Variants in CACNA1C observed in about 807,000 individuals in gnomAD.
The protein encoded by CACNA1C is voltage-dependent L-type calcium channel subunit alpha-1C.
In CACNA1C, 30 loss-of-function variants were observed where a neutral mutation model predicts 229.0. The observed-to-expected ratio is 0.13, with a 90% CI of 0.10 to 0.18. The LOEUF is 0.18. CACNA1C is among the 10% of genes least tolerant of loss of function. The pLI, the probability that CACNA1C is intolerant of heterozygous loss-of-function variation, is 1.00. For missense variants in CACNA1C, 1,658 were observed against 2,845.0 expected (o/e 0.58, Z 9.49); for synonymous variants, 1,114 against 1,132.5 (o/e 0.98, Z 0.33).
chr12:2,137,937 T>A lies in CACNA1C; in HGVS notation c.477+17507T>A, dbSNP rs950599084. Reference sequence around the variant, plus strand: ...GCAGTCCTGGAGCCGACACATCGCCTCACACAGGCGCCCCTGCCGGGAGCT... The same window carrying A: ...GCAGTCCTGGAGCCGACACATCGCCACACACAGGCGCCCCTGCCGGGAGCT... On this transcript the variant is annotated intron_variant, in intron 3 of 46. Transcript: ENST00000399655. Among the ~76,000 whole-genome samples the A allele has an allele frequency of 2.6e-5, 4 of 151,564 alleles. 1 individual carries two copies. The highest frequency in any genetic ancestry group is 6.6e-5 in the Admixed American group (1 of 15,120).
intron 20 of CACNA1C, 124 bp downstream of exon 20, chr12:2,596,127 C>T (rs1339343323): frequency 6.3e-6 from 6 of 957,632 alleles, no homozygotes; most frequent in Non-Finnish European, 7.5e-6. Flanking sequence ...AGATCCACAA[C>T]TAACATTTCA....
intron 9 of CACNA1C, among the ~76,000 whole-genome samples, chr12:2,543,619 C>T (rs1217175590): frequency 6.6e-6 from 1 of 152,202 alleles, no homozygotes; most frequent in Non-Finnish European, 1.5e-5. Flanking sequence ...TATATTGCTT[C>T]TTCCAGGTGA....
chr12:2,168,433 T>G (rs899797474), intron 3 of CACNA1C, among the ~76,000 whole-genome samples: 6 of 152,232 alleles, frequency 3.9e-5, no homozygotes, highest in Non-Finnish European at 8.8e-5. Context: ...TTGGTCCTAC[T>G]GTAGCCAGGA....
At chr12:2,560,012 G>C (rs908711468) in intron 11 of CACNA1C, among the ~76,000 whole-genome samples, 50 of 152,280 alleles carry the variant, frequency 3.3e-4, no homozygotes, top group African/African-American at 1.2e-3. Flanking sequence ...TTTGTGCCAA[G>C]TCTTTGAAAT....
intron 3 of CACNA1C, among the ~76,000 whole-genome samples, chr12:2,192,100 G>A (rs887492707): frequency 1.3e-4 from 19 of 151,998 alleles, no homozygotes; most frequent in East Asian, 3.9e-4. Flanking sequence ...GCACATGGGC[G>A]CGCACACACA....
chr12:2,180,626 C>T (rs537972122), intron 3 of CACNA1C, among the ~76,000 whole-genome samples: 9 of 152,244 alleles, frequency 5.9e-5, no homozygotes, highest in African/African-American at 1.4e-4. Flanking sequence ...CTGTCCAGTG[C>T]GCTGCGTTCT....
intron 3 of CACNA1C, among the ~76,000 whole-genome samples, chr12:2,370,402 A>C (rs2097836102): frequency 6.6e-6 from 1 of 152,212 alleles, no homozygotes; most frequent in African/African-American, 2.4e-5. Flanking sequence ...ACGTATAATG[A>C]TGTTCATTTC....
intron 4 of CACNA1C, among the ~76,000 whole-genome samples, chr12:2,451,456 T>A (rs895335622): frequency 1.2e-4 from 19 of 152,160 alleles, no homozygotes; most frequent in Non-Finnish European, 2.8e-4. Context: ...AGGCAAAATT[T>A]TGGAATTTTG....
At chr12:2,223,967 C>T (rs1268292483) in intron 3 of CACNA1C, among the ~76,000 whole-genome samples, 1 of 152,174 alleles carries the variant, frequency 6.6e-6, no homozygotes, top group Admixed American at 6.5e-5. Context: ...AAAAGGTGCA[C>T]ACACAAAATC....
At chr12:2,586,643 G>A (rs981007189) in intron 18 of CACNA1C, among the ~76,000 whole-genome samples, 11 of 152,206 alleles carry the variant, frequency 7.2e-5, no homozygotes, top group African/African-American at 2.4e-4. Context: ...ACATTTCCTT[G>A]TTCCTGTAGG....
intron 4 of CACNA1C, among the ~76,000 whole-genome samples, chr12:2,453,048 T>A (rs2099392896): frequency 6.6e-6 from 1 of 152,182 alleles, no homozygotes; most frequent in Admixed American, 6.5e-5. Flanking sequence ...ACACTGCAGA[T>A]ACGGCCTGGA....
At chr12:2,385,455 C>A (rs1172868920) in intron 3 of CACNA1C, among the ~76,000 whole-genome samples, 1 of 152,104 alleles carries the variant, frequency 6.6e-6, no homozygotes, top group East Asian at 1.9e-4. Context: ...TTCCTGTATC[C>A]CCCTCACCTT....
intron 11 of CACNA1C, among the ~76,000 whole-genome samples, chr12:2,565,295 G>A (rs908587325): frequency 9.2e-5 from 14 of 151,608 alleles, no homozygotes; most frequent in South Asian, 2.1e-4. Flanking sequence ...GGTGAAACCC[G>A]TCTCTACTAA....
At chr12:2,408,883 A>G (rs564870236) in intron 3 of CACNA1C, among the ~76,000 whole-genome samples, 15 of 152,242 alleles carry the variant, frequency 9.9e-5, no homozygotes, top group Non-Finnish European at 1.9e-4. Flanking sequence ...ATATTTCTAG[A>G]CATTTCCAGG....
chr12:2,319,625 CG>C lies in CACNA1C; in HGVS notation c.478-129348del, dbSNP rs938507893. On this transcript the variant is annotated intron_variant, in intron 3 of 46. Transcript: ENST00000399655. The surrounding 1 kb of genome is among the most constrained non-coding windows in gnomAD (Gnocchi z 4.0). Reference sequence around the variant, plus strand: ...TTTCTGGAGGTCTCCACACACCCTCCGGGCAGACCTCATCTTCTTCAGACAT... The same window carrying C: ...TTTCTGGAGGTCTCCACACACCCTCCGGCAGACCTCATCTTCTTCAGACAT... Among the ~76,000 whole-genome samples, 9 of 152,086 alleles carry C rather than the reference CG, an allele frequency of 5.9e-5. No individual in the cohort carries two copies. Among genetic ancestry groups the C allele is most frequent in the Non-Finnish European group, 1.3e-4 (9 of 68,014 alleles).
intron 1 of CACNA1C, among the ~76,000 whole-genome samples, chr12:2,038,934 A>G (rs57196378): frequency 0.052 from 7,938 of 152,248 alleles, 241 homozygotes; most frequent in East Asian, 0.068. Flanking sequence ...AAGCCTGTAA[A>G]AGACAGATGC....
rs140161928 is a variant in CACNA1C, at chr12:2,514,990, G to A, written c.1390+2006G>A. 3.9e-5 allele frequency among the ~76,000 whole-genome samples: 6 copies of A among 152,312 alleles called. No individual in the cohort carries two copies. In the East Asian group the frequency reaches 9.6e-4, roughly 24 times the overall value. On this transcript the variant is annotated intron_variant, in intron 9 of 46. Coordinates refer to ENST00000399655, the MANE Select transcript of CACNA1C (RefSeq NM_000719.7). ...GCTGCCTAACCCAATAGACAGTCTC[G>A]CTAAGATTTTCCTAAGCCTAGATAA...
At chr12:2,300,808 A>G (rs1237049831) in intron 3 of CACNA1C, among the ~76,000 whole-genome samples, 1 of 152,148 alleles carries the variant, frequency 6.6e-6, no homozygotes, top group Non-Finnish European at 1.5e-5. Flanking sequence ...TGGCAACACA[A>G]TGAGCCATGG....
rs2096079987 is a variant in CACNA1C at position 2,666,153 on chromosome 12, C to T, written c.4526+445C>T. Among the ~76,000 whole-genome samples the T allele has an allele frequency of 6.6e-6, 1 of 152,046 alleles. No individual in the cohort carries two copies. Among genetic ancestry groups the T allele is most frequent in the Non-Finnish European group, 1.5e-5 (1 of 68,010 alleles). On this transcript the variant is annotated intron_variant, in intron 36 of 46. Transcript: ENST00000399655. The surrounding 1 kb of genome is among the most constrained non-coding windows in gnomAD (Gnocchi z 5.3). Reference sequence around the variant, plus strand: ...GCAGCGAGCTGAGATCACACCACTGCACTCCAGCCTGGGCGACAGAGCAAG... The same window carrying T: ...GCAGCGAGCTGAGATCACACCACTGTACTCCAGCCTGGGCGACAGAGCAAG...
Sources: gnomAD v4.1 joint callset for allele counts (sites outside exome capture counted in the v4.1 genomes callset) on GRCh38, gnomAD v4.1.1 for gene constraint, Gnocchi (gnomAD v3.1) non-coding constraint, MANE v1.5 for transcripts, NCBI Gene and HGNC (gene_info 2026-07-23, HGNC 2026-07-21) for gene names.